Variants in IRAG2 observed in about 807,000 individuals in gnomAD.
The protein encoded by IRAG2 is lymphoid restricted membrane protein.
In IRAG2, 45 loss-of-function variants were observed where a neutral mutation model predicts 69.9. The observed-to-expected ratio is 0.64, with a 90% CI of 0.51 to 0.83. The LOEUF is 0.83. IRAG2 is among the 40% of genes least tolerant of loss of function. The pLI is 0.00. For synonymous variants in IRAG2, 193 were observed against 202.4 expected, an observed-to-expected ratio of 0.95 and a Z score of 0.40; for missense variants, 520 against 587.0, an observed-to-expected ratio of 0.89 and a Z score of 1.18.
intron 2 of IRAG2, chr12:25,006,303 G>A (rs1050927712): frequency 2.0e-5 from 3 of 152,222 alleles, no homozygotes; most frequent in Non-Finnish European, 4.4e-5. Flanking sequence ...TTCAGCCACT[G>A]TGGACAGCAG....
intron 8 of IRAG2, among the ~76,000 whole-genome samples, chr12:25,024,519 A>G (rs1421277642): frequency 6.6e-6 from 1 of 152,254 alleles, no homozygotes; most frequent in Admixed American, 6.5e-5. Flanking sequence ...ACAAGCTACT[A>G]GCAAGTTACT....
intron 7 of IRAG2, 29 bp downstream of exon 7, chr12:25,079,319 T>C: frequency 1.2e-6 from 2 of 1,612,054 alleles, no homozygotes; most frequent in South Asian, 1.1e-5. Context: ...TGTGTGTGAA[T>C]TTGTATGCAT....
chr12:25,088,544 T>C (rs1440240882), intron 11 of IRAG2, among the ~76,000 whole-genome samples: 8 of 152,144 alleles, frequency 5.3e-5, no homozygotes, highest in Non-Finnish European at 5.9e-5. Context: ...GTGGATAGAG[T>C]TCAGGCTTTG....
chr12:25,077,343 T>TATATATATG (rs201811222), intron 6 of IRAG2, among the ~76,000 whole-genome samples: 1 of 54,760 alleles, frequency 1.8e-5, no homozygotes, highest in African/African-American at 5.9e-5. Context: ...ATATATGAAA[T>TATATATATG]ATATATATGA....
At chr12:25,036,035 A>T (rs1387746350) in intron 14 of IRAG2, among the ~76,000 whole-genome samples, 1 of 152,196 alleles carries the variant, frequency 6.6e-6, no homozygotes, top group Admixed American at 6.5e-5. Context: ...CCTGTGAGCT[A>T]ATCTTTAGTA....
chr12:25,099,951 G>A (rs1337689858), intron 15 of IRAG2, among the ~76,000 whole-genome samples: 1 of 121,592 alleles, frequency 8.2e-6, no homozygotes, highest in Non-Finnish European at 1.6e-5. Flanking sequence ...AATGAGCCGA[G>A]ATCGTGCCAT....
rs543424683 is a variant in IRAG2, at chr12:25,028,256, C to T, written c.1461+1390C>T. Among the ~76,000 whole-genome samples the T allele has an allele frequency of 3.9e-5, 6 of 152,236 alleles. No homozygotes were observed. The South Asian group carries it at 1.2e-3, about 32-fold the overall frequency. On this transcript the variant is annotated intron_variant, in intron 9 of 38. Transcript: ENST00000636465. The stretch of plus-strand genomic sequence containing the variant: ...CTACGTTTAACCTTTTAAGGAACTG[C>T]CAGGCTGTGTTCAAAGTGGCTGCAC...
Position 25,090,217 on chromosome 12 carries a change from G to T in IRAG2, c.606+20G>T. On this transcript the variant is annotated intron_variant, in intron 14 of 21. Coordinates refer to ENST00000556887, the MANE Select transcript of IRAG2 (RefSeq NM_001366544.2). The stretch of plus-strand genomic sequence containing the variant: ...TTAGAGGTGAGAATCAGAACATTTG[G>T]GATATAAACATTTGGTCTAGCCAGG... 6.2e-7 allele frequency: 1 copy of T among 1,610,288 alleles called. No individual in the cohort carries two copies. Among genetic ancestry groups the T allele is most frequent in the Non-Finnish European group, 8.5e-7 (1 of 1,177,778 alleles).
chr12:25,073,109 T>A (rs1414592989), intron 6 of IRAG2, among the ~76,000 whole-genome samples: 3 of 152,244 alleles, frequency 2.0e-5, no homozygotes, highest in Admixed American at 2.0e-4. Flanking sequence ...TTTTCAGGCC[T>A]GTTTCCTCAT....
chr12:25,013,107 A>T (rs1267996847), intron 3 of IRAG2, among the ~76,000 whole-genome samples: 1 of 152,208 alleles, frequency 6.6e-6, no homozygotes, highest in Admixed American at 6.5e-5. Flanking sequence ...AAGCCCTCCC[A>T]TATATTATTG....
chr12:25,018,433 T>G (rs946315616), intron 6 of IRAG2, among the ~76,000 whole-genome samples: 1 of 152,040 alleles, frequency 6.6e-6, no homozygotes, highest in Non-Finnish European at 1.5e-5. Flanking sequence ...CTACAATGCC[T>G]GGTCTCAAGC....
At chr12:25,106,852 C>T (rs927654449) in intron 20 of IRAG2, 91 bp from the exon 21 acceptor site, 10 of 473,352 alleles carry the variant, frequency 2.1e-5, no homozygotes, top group Non-Finnish European at 3.6e-5. Flanking sequence ...TTGTGAGCCT[C>T]TTGAGTTACA....
intron 13 of IRAG2, among the ~76,000 whole-genome samples, chr12:25,034,131 G>T (rs1565530796): frequency 1.3e-5 from 2 of 152,168 alleles, no homozygotes; most frequent in South Asian, 4.1e-4. Context: ...TTCAAGTTAC[G>T]GCCGAAAGCT....
At chr12:25,032,261 C>T (rs1015036069) in intron 11 of IRAG2, 2 of 398,800 alleles carry the variant, frequency 5.0e-6, no homozygotes, top group African/African-American at 2.1e-5. Flanking sequence ...TGTAAATTCC[C>T]CACTAGAGTA....
intron 2 of IRAG2, among the ~76,000 whole-genome samples, chr12:25,008,539 G>C (rs1457482884): frequency 6.6e-6 from 1 of 152,138 alleles, no homozygotes; most frequent in Non-Finnish European, 1.5e-5. Context: ...AGGAATTTGA[G>C]ACCAGCCTAG....
intron 14 of IRAG2, 142 bp downstream of exon 14, chr12:25,090,339 C>A: frequency 3.2e-6 from 2 of 630,158 alleles, no homozygotes; most frequent in South Asian, 2.3e-5. Context: ...GCCCGGAGTT[C>A]AAGATCATCC....
At chr12:25,035,598 T>C in intron 13 of IRAG2, 1 of 398,676 alleles carries the variant, frequency 2.5e-6, no homozygotes, top group East Asian at 3.6e-5. Context: ...TAAGTGAAAG[T>C]AATGAATGTT....
At chr12:24,999,115 T>C in the IRAG2 span, among the ~76,000 whole-genome samples, 19 of 152,314 alleles carry the variant, frequency 1.2e-4, no homozygotes, top group African/African-American at 4.6e-4. Flanking sequence ...TGTTTACATA[T>C]ACATTCCTAA....
chr12:25,088,183 A>C, intron 11 of IRAG2, 26 bp downstream of exon 11: 2 of 1,585,624 alleles, frequency 1.3e-6, no homozygotes, highest in Non-Finnish European at 8.7e-7. Flanking sequence ...TTCAATCCCC[A>C]TGTGAACTTT....
Sources: gnomAD v4.1 joint callset for allele counts (sites outside exome capture counted in the v4.1 genomes callset) on GRCh38, gnomAD v4.1.1 for gene constraint, MANE v1.5 for transcripts, NCBI Gene and HGNC (gene_info 2026-07-23, HGNC 2026-07-21) for gene names.